TBC1D31: variants seen among roughly 807,000 people sequenced by gnomAD.
TBC1D31 encodes WD repeat domain 67.
A neutral mutation model predicts 132.9 loss-of-function variants in TBC1D31; 99 were observed. The observed-to-expected ratio is 0.74, with a 90% confidence interval of 0.63 to 0.88. The LOEUF (loss-of-function observed/expected upper bound fraction) is 0.88. Among genes scored for constraint, TBC1D31 ranks in the 40% least tolerant of loss-of-function variants. TBC1D31 has a pLI of 0.00. For synonymous variants in TBC1D31, 385 were observed against 419.4 expected (o/e 0.92, Z 1.00); for missense variants, 1,134 against 1,256.6 (o/e 0.90, Z 1.48).
chr8:123,153,460 G>T (rs1164340786), downstream of TBC1D31, among the ~76,000 whole-genome samples: 1 of 152,154 alleles, frequency 6.6e-6, no homozygotes, highest in Non-Finnish European at 1.5e-5. Context: ...TTCAGTGAAA[G>T]TGCACTATGA....
chr8:123,107,316 C>T (rs1290036434), intron 8 of TBC1D31, among the ~76,000 whole-genome samples: 1 of 152,170 alleles, frequency 6.6e-6, no homozygotes, highest in African/African-American at 2.4e-5. Flanking sequence ...AGAAATAGAG[C>T]ATTACCGTAG....
intron 10 of TBC1D31, among the ~76,000 whole-genome samples, chr8:123,115,537 T>C (rs1818834942): frequency 6.6e-6 from 1 of 152,210 alleles, no homozygotes; most frequent in African/African-American, 2.4e-5. Context: ...TGTAGTGGCT[T>C]AAAAACAACA....
intron 8 of TBC1D31, among the ~76,000 whole-genome samples, chr8:123,107,720 A>T (rs1430469002): frequency 6.6e-6 from 1 of 152,072 alleles, no homozygotes. Flanking sequence ...TGTGGATCCA[A>T]TGTGGATATC....
chr8:123,143,980 G>C (rs1428451698), intron 19 of TBC1D31, among the ~76,000 whole-genome samples: 1 of 152,146 alleles, frequency 6.6e-6, no homozygotes, highest in Non-Finnish European at 1.5e-5. Flanking sequence ...CTACTGCGTG[G>C]CCTTGGGAAA....
intron 10 of TBC1D31, among the ~76,000 whole-genome samples, chr8:123,109,836 A>G (rs1425943357): frequency 6.6e-6 from 1 of 152,168 alleles, no homozygotes; most frequent in African/African-American, 2.4e-5. Flanking sequence ...AATCTGAAAG[A>G]ACATCCCAGC....
At chr8:123,143,896 C>T (rs1586735992) in intron 19 of TBC1D31, among the ~76,000 whole-genome samples, 2 of 152,120 alleles carry the variant, frequency 1.3e-5, no homozygotes, top group African/African-American at 2.4e-5. Flanking sequence ...GGCTGAGAAT[C>T]ATTGTAGGGG....
At chr8:123,131,717 C>A (rs1246785335) in intron 16 of TBC1D31, among the ~76,000 whole-genome samples, 1 of 152,020 alleles carries the variant, frequency 6.6e-6, no homozygotes, top group Non-Finnish European at 1.5e-5. Flanking sequence ...TGTTGAGTAA[C>A]TTCTAAATTA....
intron 20 of TBC1D31, among the ~76,000 whole-genome samples, chr8:123,146,514 G>A (rs1822225332): frequency 6.6e-6 from 1 of 152,104 alleles, no homozygotes; most frequent in Non-Finnish European, 1.5e-5. Context: ...CCTTTTTATT[G>A]CTGAATAATA....
intron 10 of TBC1D31, among the ~76,000 whole-genome samples, chr8:123,118,307 G>A (rs1032883382): frequency 6.6e-6 from 1 of 152,178 alleles, no homozygotes; most frequent in African/African-American, 2.4e-5. Flanking sequence ...TGTACTATTT[G>A]CAAGCTGTTA....
chr8:123,161,573 T>C, the TBC1D31 span, among the ~76,000 whole-genome samples: 5 of 152,202 alleles, frequency 3.3e-5, no homozygotes, highest in African/African-American at 1.2e-4. Context: ...TTCCCTAAAA[T>C]AATGTTGAAA....
intron 3 of TBC1D31, 21 bp from the exon 4 acceptor site, chr8:123,084,141 C>A (rs1275490203): frequency 1.2e-6 from 2 of 1,608,776 alleles, no homozygotes; most frequent in Non-Finnish European, 1.7e-6. Flanking sequence ...ACCTGGGTAA[C>A]AATTTTACTT....
At position 123,082,715 on chromosome 8, in the gene TBC1D31, C is replaced by A; in HGVS notation, c.238C>A (p.Gln80Lys). The change falls in exon 3 of 22, where the codon CAG becomes AAG. Residue 80 changes from glutamine to lysine, a missense_variant. Transcript: ENST00000287380. ...ATCTCTTAATAGGTTCAATCTTGTT[C>A]AGCGAACAGCACAAGCTTGCACAGC... ...DLHGNRFNLV[Q>K]RTAQACTALA... The A allele has an allele frequency of 6.2e-7, 1 of 1,609,298 alleles. No individual in the cohort carries two copies. Among genetic ancestry groups the A allele is most frequent in the South Asian group, 1.1e-5 (1 of 90,530 alleles).
chr8:123,093,046 A>G (rs1816495461), intron 4 of TBC1D31, among the ~76,000 whole-genome samples: 1 of 152,046 alleles, frequency 6.6e-6, no homozygotes, highest in Non-Finnish European at 1.5e-5. Context: ...TCCTGACCTC[A>G]GGTGATCCAC....
At chr8:123,100,658 C>T in intron 6 of TBC1D31, 149 bp from the exon 7 acceptor site, 1 of 405,376 alleles carries the variant, frequency 2.5e-6, no homozygotes, top group Non-Finnish European at 4.4e-6. Flanking sequence ...GTGTCCCTCT[C>T]AAAATATATA....
At chr8:123,081,425 C>A (rs1170231672) in intron 2 of TBC1D31, among the ~76,000 whole-genome samples, 2 of 152,078 alleles carry the variant, frequency 1.3e-5, no homozygotes. Flanking sequence ...AAGTCTTGAG[C>A]CCTTGAAAAG....
rs542676256 is a variant in TBC1D31, at chr8:123,100,723, A to G, written c.832-84A>G. 1,230 of 952,224 alleles carry G rather than the reference A, an allele frequency of 1.3e-3. 2 individuals are homozygous for G. The highest frequency in any genetic ancestry group is 1.8e-3 in the Non-Finnish European group (1,058 of 603,278). 59.0% of individuals were successfully genotyped at this position (952,224 alleles called of 1,614,324 possible). On this transcript the variant is annotated intron_variant, in intron 6 of 21. Transcript: ENST00000287380. ...ACACACATACATACACAAACGTTGCATACACGTAAAGACGTGTATATAGTA... is the reference window on the plus strand; with the variant it reads ...ACACACATACATACACAAACGTTGCGTACACGTAAAGACGTGTATATAGTA...
chr8:123,093,690 C>T lies in TBC1D31; in HGVS notation c.619C>T (p.Pro207Ser). 6.2e-7 allele frequency: 1 copy of T among 1,610,856 alleles called. No individual in the cohort carries two copies. Among genetic ancestry groups the T allele is most frequent in the Non-Finnish European group, 8.5e-7 (1 of 1,177,830 alleles). Reference protein sequence around the residue: ...CDTLFCKYQLPAPPESSSILY... With the variant: ...CDTLFCKYQLSAPPESSSILY... ...CACACTTTTTTGCAAATATCAATTG[C>T]CAGCTCCACCTGAAAGCTCTAGTAT... The change falls in exon 5 of 22, where the codon CCA becomes TCA. Residue 207 changes from proline (P) to serine (S), a missense_variant. Coordinates refer to ENST00000287380, the MANE Select transcript of TBC1D31 (RefSeq NM_145647.4).
intron 7 of TBC1D31, among the ~76,000 whole-genome samples, chr8:123,101,515 A>G (rs1233324665): frequency 6.6e-6 from 1 of 152,108 alleles, no homozygotes; most frequent in East Asian, 1.9e-4. Flanking sequence ...CCTGGGTTCA[A>G]GTGATTCTCC....
In TBC1D31 at chr8:123,129,132, G is replaced by A. The variant is rs758250789; in HGVS notation, c.2184G>A (p.Gln728=). The change falls in exon 15 of 22, where the codon CAG becomes CAA. Residue 728 remains glutamine (Q), a synonymous_variant. Coordinates refer to ENST00000287380, the MANE Select transcript of TBC1D31 (RefSeq NM_145647.4). ...QQRVEDEAWY[Q]KQELLRKAEE... ...GAGTTGAAGATGAAGCTTGGTACCAGAAACAGGAGCTGCTTCGTAAAGCTG... is the reference window on the plus strand; with the variant it reads ...GAGTTGAAGATGAAGCTTGGTACCAAAAACAGGAGCTGCTTCGTAAAGCTG... The A allele has an allele frequency of 6.2e-7, 1 of 1,610,164 alleles. No individual in the cohort carries two copies. The highest frequency in any genetic ancestry group is 1.7e-5 in the Admixed American group (1 of 59,930).
Sources: gnomAD v4.1 joint callset for allele counts (sites outside exome capture counted in the v4.1 genomes callset) on GRCh38, gnomAD v4.1.1 for gene constraint, MANE v1.5 for transcripts, NCBI Gene and HGNC (gene_info 2026-07-23, HGNC 2026-07-21) for gene names.